Variants in SLC46A2 observed in about 807,000 individuals in gnomAD.
The protein encoded by SLC46A2 is solute carrier family 46 member 2, also known as thymic stromal co-transporter.
Under a neutral mutation model 33.1 loss-of-function variants are expected in SLC46A2, and 25 were observed. The ratio of observed to expected loss-of-function variants is 0.76; its 90% confidence interval spans 0.55 to 1.06. SLC46A2 has a LOEUF of 1.06. Among genes scored for constraint, SLC46A2 ranks in the 50% least tolerant of loss-of-function variants. The pLI, the probability that SLC46A2 is intolerant of heterozygous loss-of-function variation, is 0.00. For missense variants in SLC46A2, 622 were observed against 621.7 expected, an observed-to-expected ratio of 1.00 and a Z score of 0.00; for synonymous variants, 254 against 275.9, an observed-to-expected ratio of 0.92 and a Z score of 0.79.
At chr9:112,888,836 C>G (rs114242356) in intron 1 of SLC46A2, among the ~76,000 whole-genome samples, 2,752 of 148,062 alleles carry the variant, frequency 0.019, 87 homozygotes, top group African/African-American at 0.062. Flanking sequence ...ATTAAGGGAT[C>G]TTTTCAGTAG....
rs1377819537 is a variant in SLC46A2 at position 112,890,784 on chromosome 9, G to T, written c.-103C>A. 2.4e-6 allele frequency: 2 copies of T among 835,222 alleles called. No homozygotes were observed. The highest frequency in any genetic ancestry group is 3.3e-6 in the Non-Finnish European group (2 of 610,230). The allele number at this position is 835,222 out of a possible 1,614,324, so 51.7% of individuals were successfully genotyped here. A position where few individuals can be genotyped will look rare whatever the true frequency, so the allele number is the denominator to read the frequency against. ...TGCTCAGGTTTCAGTCCCGGAGCGC[G>T]AGTGTGCTCCGTGCGCCGGGAGCGC... On this transcript the variant is annotated 5_prime_UTR_variant, in exon 1 of 4. Coordinates refer to ENST00000374228, the MANE Select transcript of SLC46A2 (RefSeq NM_033051.4). This position sits in a 1 kb window ranked among gnomAD's most constrained non-coding sequence, Gnocchi z 6.0.
intron 3 of SLC46A2, among the ~76,000 whole-genome samples, chr9:112,880,758 A>T (rs1469395186): frequency 1.3e-5 from 2 of 152,120 alleles, no homozygotes; most frequent in African/African-American, 4.8e-5. Flanking sequence ...CTCTCCATCC[A>T]TTAGGCCATC....
chr9:112,889,975 G>C lies in SLC46A2; in HGVS notation c.707C>G (p.Pro236Arg), dbSNP rs76734829. ...ATCCACGGCGGGGAGCTCCTGGCTG[G>C]GTTTGGCCACCGACTCAGGGACCTT... Reference protein sequence around the residue: ...VLKVPESVAKPSQELPAVDTV... With the variant: ...VLKVPESVAKRSQELPAVDTV... The change falls in exon 1 of 4, where the codon CCC becomes CGC. Residue 236 changes from proline to arginine, a missense_variant. Pro to Arg is a moderately radical substitution (Grantham distance 103, BLOSUM62 -2). Coordinates refer to ENST00000374228, the MANE Select transcript of SLC46A2 (RefSeq NM_033051.4). The C allele has an allele frequency of 8.6e-3, 13,938 of 1,614,142 alleles. 126 individuals carry two copies. The highest frequency in any genetic ancestry group is 0.024 in the South Asian group (2,158 of 91,086).
intron 2 of SLC46A2, among the ~76,000 whole-genome samples, chr9:112,886,929 A>G (rs1006204874): frequency 1.3e-5 from 2 of 151,902 alleles, no homozygotes; most frequent in Admixed American, 6.6e-5. Context: ...GGGTCTCACT[A>G]TGTTGTCCAG....
At chr9:112,880,658 T>C (rs1053678637) in intron 3 of SLC46A2, among the ~76,000 whole-genome samples, 8 of 152,228 alleles carry the variant, frequency 5.3e-5, no homozygotes, top group East Asian at 1.9e-4. Flanking sequence ...TAAACACTTT[T>C]TTCTGCTGCA....
In SLC46A2 at chr9:112,887,487, T is replaced by G. The variant is rs892428036; in HGVS notation, c.1130-74A>C. On this transcript the variant is annotated intron_variant, in intron 1 of 3. Transcript: ENST00000374228. ...CAAGGAGGAAATTATCAAAAGCCTCTCTTAGAACCCCCATCTCCCCACAAT... is the reference window on the plus strand; with the variant it reads ...CAAGGAGGAAATTATCAAAAGCCTCGCTTAGAACCCCCATCTCCCCACAAT... The G allele has an allele frequency of 5.9e-6, 8 of 1,352,096 alleles. No individual in the cohort carries two copies. The African/African-American group carries it at 8.8e-5, about 15-fold the overall frequency. 83.8% of individuals were successfully genotyped at this position (1,352,096 alleles called of 1,614,324 possible). A position where few individuals can be genotyped will look rare whatever the true frequency, so the allele number is the denominator to read the frequency against.
chr9:112,878,997 A>C lies in SLC46A2; in HGVS notation c.*765T>G, dbSNP rs1359142944. The C allele has an allele frequency of 1.3e-5, 2 of 152,246 alleles. No individual in the cohort carries two copies. Among genetic ancestry groups the C allele is most frequent in the African/African-American group, 4.8e-5 (2 of 41,460 alleles). The allele number at this position is 152,246 out of a possible 1,614,324, so 9.4% of individuals were successfully genotyped here. A position where few individuals can be genotyped will look rare whatever the true frequency, so the allele number is the denominator to read the frequency against. On this transcript the variant is annotated 3_prime_UTR_variant, in exon 4 of 4. Coordinates refer to ENST00000374228, the MANE Select transcript of SLC46A2 (RefSeq NM_033051.4). ...ACAAGGTTATAAAAATGACTACCTC[A>C]AATAAAATAGCTCTTAATGTACCTC...
In SLC46A2 at chr9:112,886,583, G is replaced by T. The variant is rs762189433; in HGVS notation, c.1247C>A (p.Ala416Asp). The change falls in exon 3 of 4, where the codon GCT (alanine) becomes GAT (aspartate). Residue 416 changes from alanine (A) to aspartate (D), a missense_variant. Transcript: ENST00000374228. ...GGTGGATGTCACCACGCCGGTCAGA[G>T]CCAAGGACAGCTGCAGTATGACGAA... is the stretch of plus-strand genomic sequence containing the variant. ...KVFVILQLSL[A>D]LTGVVTSTLY... 7 of 1,614,116 alleles carry T rather than the reference G, an allele frequency of 4.3e-6. No homozygotes were observed. In the South Asian group the frequency reaches 7.7e-5, roughly 18 times the overall value.
At chr9:112,883,582 T>C (rs1416864905) in intron 3 of SLC46A2, among the ~76,000 whole-genome samples, 6 of 152,040 alleles carry the variant, frequency 3.9e-5, no homozygotes, top group Non-Finnish European at 8.8e-5. Flanking sequence ...TTTGCTGTTA[T>C]TATCATTAAA....
At chr9:112,880,023 T>C (rs1029830549) in intron 3 of SLC46A2, 55 of 483,778 alleles carry the variant, frequency 1.1e-4, no homozygotes, top group African/African-American at 8.9e-4. Context: ...TGCTTCCCCA[T>C]TGTTCCTTTA....
intron 3 of SLC46A2, among the ~76,000 whole-genome samples, chr9:112,884,237 A>G (rs112237016): frequency 0.012 from 1,902 of 152,322 alleles, 34 homozygotes; most frequent in African/African-American, 0.043. Flanking sequence ...CTCTCCTGGC[A>G]TCGAGGAAGG....
intron 1 of SLC46A2, 93 bp from the exon 2 acceptor site, chr9:112,887,506 C>T (rs1742056751): frequency 5.2e-6 from 6 of 1,151,024 alleles, no homozygotes; most frequent in East Asian, 2.6e-5. Flanking sequence ...CCCCATCTCC[C>T]CACAATCCGA....
chr9:112,882,962 G>T (rs1841599214), intron 3 of SLC46A2, among the ~76,000 whole-genome samples: 1 of 152,208 alleles, frequency 6.6e-6, no homozygotes, highest in South Asian at 2.1e-4. Flanking sequence ...AAAGCCAGAA[G>T]AATGAGGTGT....
intron 3 of SLC46A2, chr9:112,880,069 G>A: frequency 2.6e-6 from 1 of 380,864 alleles, no homozygotes; most frequent in South Asian, 5.5e-5. Flanking sequence ...GGTGGCTTAT[G>A]CCTGTAATCC....
At chr9:112,886,659 C>T (rs1841646514) in intron 2 of SLC46A2, 43 bp from the exon 3 acceptor site, 2 of 1,608,118 alleles carry the variant, frequency 1.2e-6, no homozygotes, top group African/African-American at 1.3e-5. Context: ...CTTGCTGTCC[C>T]TGCCTCACTC....
At chr9:112,882,495 C>G (rs866700161) in intron 3 of SLC46A2, among the ~76,000 whole-genome samples, 32 of 152,160 alleles carry the variant, frequency 2.1e-4, no homozygotes, top group African/African-American at 7.2e-4. Flanking sequence ...ACTTTAAGGA[C>G]CTTGCTCTGG....
At position 112,890,144 on chromosome 9, in the gene SLC46A2, G is replaced by A; in HGVS notation, c.538C>T (p.Leu180=). The change falls in exon 1 of 4, where the codon CTG becomes TTG. Residue 180 remains leucine (L), a synonymous_variant. Transcript: ENST00000374228. This position sits in a 1 kb window ranked among gnomAD's most constrained non-coding sequence, Gnocchi z 6.0. The part of the protein sequence containing the change: ...SVRLILIDLM[L]GLAGFCGSMA... ...CTCCCGCAGAACCCCGCCAAGCCCA[G>A]CATCAGGTCAATGAGGATGAGGCGC... is the stretch of plus-strand genomic sequence containing the variant. The A allele has an allele frequency of 1.2e-6, 2 of 1,613,602 alleles. No homozygotes were observed. Among genetic ancestry groups the A allele is most frequent in the Non-Finnish European group, 8.5e-7 (1 of 1,179,946 alleles).
At chr9:112,885,915 A>G (rs1358743407) in intron 3 of SLC46A2, 1 of 153,092 alleles carries the variant, frequency 6.5e-6, no homozygotes, top group Non-Finnish European at 1.5e-5. Flanking sequence ...GACCTAGTCT[A>G]GTGGTCTCCA....
rs1485658969 is a variant in SLC46A2, at chr9:112,887,418, A to C, written c.1130-5T>G. The C allele has an allele frequency of 6.2e-7, 1 of 1,605,076 alleles. No homozygotes were observed. Among genetic ancestry groups the C allele is most frequent in the Non-Finnish European group, 8.5e-7 (1 of 1,176,540 alleles). ...CAAACAGCATGACGGCTCGAGCTGA[A>C]AGAGATCACACAAGAACACTCCTTG... On this transcript the variant is annotated splice_region_variant and splice_polypyrimidine_tract_variant and intron_variant, in intron 1 of 3. Transcript: ENST00000374228.
Sources: gnomAD v4.1 joint callset for allele counts (sites outside exome capture counted in the v4.1 genomes callset) on GRCh38, gnomAD v4.1.1 for gene constraint, Gnocchi (gnomAD v3.1) non-coding constraint, MANE v1.5 for transcripts, NCBI Gene and HGNC (gene_info 2026-07-23, HGNC 2026-07-21) for gene names.